MRAP: variants seen among roughly 807,000 people sequenced by gnomAD.
The protein encoded by MRAP is melanocortin 2 receptor accessory protein, also known as melanocortin-2 receptor accessory protein.
A neutral mutation model predicts 8.7 loss-of-function variants in MRAP; 8 were observed. The observed-to-expected ratio is 0.92, with a 90% CI of 0.54 to 1.66. MRAP has a LOEUF of 1.66. Among genes scored for constraint, MRAP ranks in the 40% most tolerant of loss-of-function variants. The pLI, the probability that MRAP is intolerant of heterozygous loss-of-function variation, is 0.00. For missense variants in MRAP, 237 were observed against 217.1 expected (o/e 1.09, Z -0.58); for synonymous variants, 95 against 95.5 (o/e 1.00, Z 0.03).
chr21:32,309,841 G>A (rs1438405830), intron 2 of MRAP, among the ~76,000 whole-genome samples: 3 of 151,746 alleles, frequency 2.0e-5, no homozygotes, highest in African/African-American at 4.8e-5. Flanking sequence ...TACTCGGGAG[G>A]CTGAGGCAAG....
chr21:32,305,316 C>A (rs1183466811), intron 1 of MRAP, among the ~76,000 whole-genome samples: 3 of 152,096 alleles, frequency 2.0e-5, no homozygotes, highest in Non-Finnish European at 4.4e-5. Flanking sequence ...GGTCCAAGAT[C>A]AACTCTTATG....
intron 2 of MRAP, among the ~76,000 whole-genome samples, chr21:32,309,096 C>T (rs1420336996): frequency 2.6e-5 from 4 of 152,128 alleles, no homozygotes; most frequent in Non-Finnish European, 4.4e-5. Context: ...TTATTTAGCT[C>T]ATGGTTCTGA....
At chr21:32,293,274 A>C (rs999475685) in intron 2 of MRAP, 6 of 152,058 alleles carry the variant, frequency 3.9e-5, no homozygotes, top group Non-Finnish European at 8.8e-5. Context: ...TCCTGGCAAC[A>C]CCTTGTTTGA....
chr21:32,300,482 T>C (rs904244786), intron 1 of MRAP, among the ~76,000 whole-genome samples: 4 of 150,224 alleles, frequency 2.7e-5, no homozygotes, highest in Middle Eastern at 3.4e-3. Flanking sequence ...AGGGGCGCCA[T>C]GCGTCCTATG....
chr21:32,300,530 G>T lies in MRAP; in HGVS notation c.106+1453G>T, dbSNP rs139068726. Among the ~76,000 whole-genome samples the T allele has an allele frequency of 2.5e-3, 349 of 138,596 alleles. 1 individual carries two copies. The highest frequency in any genetic ancestry group is 4.1e-3 in the Non-Finnish European group (268 of 65,224). The allele number at this position is 138,596 out of a possible 152,430, so 90.9% of individuals were successfully genotyped here. A position where few individuals can be genotyped will look rare whatever the true frequency, so the allele number is the denominator to read the frequency against. The stretch of plus-strand genomic sequence containing the variant: ...CGCATCCTATGTCACGTCATGCGTC[G>T]CATGTCAGATGCGTCACGTGTCCTA... On this transcript the variant is annotated intron_variant, in intron 1 of 2. Coordinates refer to ENST00000303645, the MANE Select transcript of MRAP (RefSeq NM_001379228.1).
At chr21:32,307,032 A>G (rs1356235896) in intron 2 of MRAP, among the ~76,000 whole-genome samples, 1 of 152,234 alleles carries the variant, frequency 6.6e-6, no homozygotes, top group African/African-American at 2.4e-5. Flanking sequence ...ATGGAATAGT[A>G]TTCAGCAATA....
rs545905595 is a variant in MRAP at position 32,310,616 on chromosome 21, G to A, written c.207-1068G>A. 7.9e-5 allele frequency among the ~76,000 whole-genome samples: 12 copies of A among 152,224 alleles called. No homozygotes were observed. In the South Asian group the frequency reaches 2.3e-3, roughly 29 times the overall value. On this transcript the variant is annotated intron_variant, in intron 2 of 2. Coordinates refer to ENST00000303645, the MANE Select transcript of MRAP (RefSeq NM_001379228.1). The stretch of plus-strand genomic sequence containing the variant: ...CACTGCCCCAGCACTTCCCGGGCAG[G>A]AGAATCCACCCAGGGAGGACACATT...
At chr21:32,309,218 T>C (rs2032492942) in intron 2 of MRAP, among the ~76,000 whole-genome samples, 1 of 152,014 alleles carries the variant, frequency 6.6e-6, no homozygotes. Context: ...TCATTACCTC[T>C]TAAAGGTCCC....
chr21:32,312,895 G>A (rs2032613697), downstream of MRAP: 1 of 152,132 alleles, frequency 6.6e-6, no homozygotes, highest in Admixed American at 6.5e-5. Context: ...TTTTAAGTCA[G>A]GTGAAGACCA....
Position 32,298,894 on chromosome 21 carries a change from C to A in MRAP, c.-78C>A. 1 of 957,794 alleles carries A rather than the reference C, an allele frequency of 1.0e-6. No individual in the cohort carries two copies. The highest frequency in any genetic ancestry group is 1.7e-6 in the Non-Finnish European group (1 of 592,640). 59.3% of individuals were successfully genotyped at this position (957,794 alleles called of 1,614,324 possible). The stretch of plus-strand genomic sequence containing the variant: ...ACGATTCCTGCAGAAATCAGTGAGG[C>A]AGTCTCCTCCCAGGGGCTTGGCGCC... On this transcript the variant is annotated 5_prime_UTR_variant, in exon 1 of 3. Coordinates refer to ENST00000303645, the MANE Select transcript of MRAP (RefSeq NM_001379228.1).
downstream of MRAP, chr21:32,313,226 C>G (rs1473761154): frequency 6.6e-6 from 1 of 152,268 alleles, no homozygotes; most frequent in Non-Finnish European, 1.5e-5. Context: ...GCTGCCCCTC[C>G]CTGTGCCCCC....
At chr21:32,297,943 A>G (rs945583170), upstream of MRAP, among the ~76,000 whole-genome samples, 2 of 152,176 alleles carry the variant, frequency 1.3e-5, no homozygotes, top group African/African-American at 2.4e-5. Context: ...GACTGTCTAC[A>G]CTGTCAATAC....
intron 2 of MRAP, chr21:32,311,419 C>G: frequency 3.3e-6 from 1 of 304,872 alleles, no homozygotes; most frequent in Non-Finnish European, 6.1e-6. Flanking sequence ...CCCCCCACCC[C>G]CCCCATCCTA....
chr21:32,301,238 A>C (rs1036089641), intron 1 of MRAP, among the ~76,000 whole-genome samples: 1 of 152,198 alleles, frequency 6.6e-6, no homozygotes, highest in African/African-American at 2.4e-5. Context: ...CTGGGATTAC[A>C]GGCGTGAGCC....
upstream of MRAP, among the ~76,000 whole-genome samples, chr21:32,297,866 C>A (rs2032168852): frequency 1.3e-5 from 2 of 152,148 alleles, no homozygotes; most frequent in Admixed American, 6.5e-5. Context: ...CAAAGTGCTC[C>A]CCAAGGAATG....
chr21:32,300,448 C>T (rs1261471526), intron 1 of MRAP, among the ~76,000 whole-genome samples: 1 of 150,806 alleles, frequency 6.6e-6, no homozygotes. Flanking sequence ...CGTCCTATGT[C>T]AGATGTTTCA....
chr21:32,298,706 T>TAGGC (rs1357800912), upstream of MRAP: 3 of 431,364 alleles, frequency 7.0e-6, no homozygotes, highest in Non-Finnish European at 1.3e-5. Context: ...GCCGTTCTCC[T>TAGGC]GCCTCTCTGC....
At chr21:32,306,492 G>C (rs913341463) in intron 1 of MRAP, 148 bp from the exon 2 acceptor site, 2 of 709,702 alleles carry the variant, frequency 2.8e-6, no homozygotes, top group African/African-American at 3.5e-5. Flanking sequence ...GTTAATGGGA[G>C]ATCTTCCCCA....
In MRAP at chr21:32,309,197, A is replaced by G. The variant is rs1231874601; in HGVS notation, c.206+2458A>G. ...TAAAAAGATCTAATTCAGTCTAGAGAAAAAAAAAACTCATTACCTCTTAAA... is the reference window on the plus strand; with the variant it reads ...TAAAAAGATCTAATTCAGTCTAGAGGAAAAAAAAACTCATTACCTCTTAAA... On this transcript the variant is annotated intron_variant, in intron 2 of 2. Coordinates refer to ENST00000303645, the MANE Select transcript of MRAP (RefSeq NM_001379228.1). Among the ~76,000 whole-genome samples the G allele has an allele frequency of 2.0e-5, 3 of 149,500 alleles. No individual in the cohort carries two copies. The Admixed American group carries it at 2.0e-4, about 10-fold the overall frequency.
Sources: gnomAD v4.1 joint callset for allele counts (sites outside exome capture counted in the v4.1 genomes callset) on GRCh38, gnomAD v4.1.1 for gene constraint, MANE v1.5 for transcripts, NCBI Gene and HGNC (gene_info 2026-07-23, HGNC 2026-07-21) for gene names.